The following ENOX2 variants were observed in gnomAD, a reference collection of about 807,000 sequenced individuals.
ENOX2 encodes APK1 antigen.
Under a neutral mutation model 45.0 loss-of-function variants are expected in ENOX2, and 36 were observed. The ratio of observed to expected loss-of-function variants is 0.80; its 90% confidence interval spans 0.61 to 1.06. ENOX2 has a LOEUF of 1.06. Among genes scored for constraint, ENOX2 ranks in the 50% least tolerant of loss-of-function variants. The pLI, the probability that ENOX2 is intolerant of heterozygous loss-of-function variation, is 0.00. For missense variants in ENOX2, 423 were observed against 462.5 expected, an observed-to-expected ratio of 0.91 and a Z score of 0.78; for synonymous variants, 174 against 152.3, an observed-to-expected ratio of 1.14 and a Z score of -1.05.
intron 3 of ENOX2, among the ~76,000 whole-genome samples, chrX:130,744,227 G>C (rs761345092): frequency 1.2e-4 from 14 of 112,179 alleles, no homozygotes; most frequent in Admixed American, 1.9e-4. Context: ...GGTGGTAGGA[G>C]AGTTGAATTA....
At chrX:130,887,373 T>C (rs768551541) in intron 2 of ENOX2, among the ~76,000 whole-genome samples, 2 of 86,937 alleles carry the variant, frequency 2.3e-5, no homozygotes. Context: ...ACCCACCCCA[T>C]TGAGGAAAAA....
chrX:130,665,697 G>A lies in ENOX2; in HGVS notation c.960C>T (p.Asp320=), dbSNP rs754590913. The A allele has an allele frequency of 3.6e-5, 43 of 1,203,861 alleles. No individual in the cohort carries two copies. Among genetic ancestry groups the A allele is most frequent in the Non-Finnish European group, 4.6e-5 (41 of 892,121 alleles). Residue 320 remains aspartate (D), a synonymous_variant, in exon 9 of 15, where the codon GAC becomes GAT. Transcript: ENST00000394363. ...YHSASKQKAW[D]HFTKAQRKNI... ...TCTTCCGCTGGGCTTTTGTGAAGTG[G>A]TCCCATGCCTTCTGCTTGGAGGCGG...
chrX:130,755,599 T>C (rs751037108), intron 3 of ENOX2, among the ~76,000 whole-genome samples: 47 of 110,646 alleles, frequency 4.2e-4, no homozygotes, highest in Non-Finnish European at 7.6e-4. Context: ...TTTTTAATTT[T>C]CATGGGTACA....
chrX:130,770,261 G>A (rs1569499460), intron 3 of ENOX2, among the ~76,000 whole-genome samples: 5 of 111,906 alleles, frequency 4.5e-5, no homozygotes, highest in African/African-American at 6.5e-5. Context: ...CACTGTAGGT[G>A]GGATGACTAG....
At chrX:130,658,055 C>A (rs1250946308) in intron 9 of ENOX2, among the ~76,000 whole-genome samples, 1 of 111,691 alleles carries the variant, frequency 9.0e-6, no homozygotes, top group African/African-American at 3.2e-5. Flanking sequence ...ACCAAGGATT[C>A]TTTTGCCTGG....
chrX:130,708,631 CCTT>C (rs1286742511), intron 3 of ENOX2, among the ~76,000 whole-genome samples: 118 of 112,205 alleles, frequency 1.1e-3, no homozygotes, highest in African/African-American at 3.6e-3. Flanking sequence ...GCTTATTCCT[CCTT>C]GTTATTTCTA....
intron 4 of ENOX2, among the ~76,000 whole-genome samples, chrX:130,699,014 T>C (rs2037833406): frequency 8.9e-6 from 1 of 112,020 alleles, no homozygotes; most frequent in Non-Finnish European, 1.9e-5. Context: ...GGTCCATCCT[T>C]GGATTCATCT....
At chrX:130,649,652 G>A (rs767377178) in intron 10 of ENOX2, among the ~76,000 whole-genome samples, 1 of 111,773 alleles carries the variant, frequency 8.9e-6, no homozygotes, top group Non-Finnish European at 1.9e-5. Flanking sequence ...AAAGATCTTT[G>A]GCATGACATA....
In ENOX2 at chrX:130,884,764, GAGAC is replaced by G. The variant is rs1003255127; in HGVS notation, c.-183+16916_-183+16919del. On this transcript the variant is annotated intron_variant, in intron 2 of 14. Coordinates refer to ENST00000394363, the MANE Select transcript of ENOX2 (RefSeq NM_006375.4). ...AGAGAGAAAGAGAGACACAGAGACAGAGACAGACAGAAAGAAAGAAAAGTGTGAA... is the reference window on the plus strand; with the variant it reads ...AGAGAGAAAGAGAGACACAGAGACAGAGACAGAAAGAAAGAAAAGTGTGAA... Among the ~76,000 whole-genome samples, 10 of 111,647 alleles carry G rather than the reference GAGAC, an allele frequency of 9.0e-5. No individual in the cohort carries two copies. The East Asian group carries it at 1.4e-3, about 16-fold the overall frequency.
At chrX:130,718,763 A>G (rs985497481) in intron 3 of ENOX2, among the ~76,000 whole-genome samples, 3 of 111,563 alleles carry the variant, frequency 2.7e-5, no homozygotes, top group African/African-American at 9.8e-5. Context: ...TTACTGGTCC[A>G]TGTGGAAGCT....
At position 130,812,404 on chromosome X, in the gene ENOX2, A is replaced by G. The variant is rs770444364; in HGVS notation, c.-182-28714T>C. ...ACGTTACAGGCCAGGAGAGAGCAGCATAATATATTTAAAGAGTTAAAGAAA... is the reference window on the plus strand; with the variant it reads ...ACGTTACAGGCCAGGAGAGAGCAGCGTAATATATTTAAAGAGTTAAAGAAA... On this transcript the variant is annotated intron_variant, in intron 2 of 14. Transcript: ENST00000394363. 2.7e-5 allele frequency among the ~76,000 whole-genome samples: 3 copies of G among 112,146 alleles called. No homozygotes were observed. In the Admixed American group the frequency reaches 2.8e-4, roughly 11 times the overall value.
chrX:130,879,624 T>C (rs951664117), intron 2 of ENOX2, among the ~76,000 whole-genome samples: 2 of 111,999 alleles, frequency 1.8e-5, no homozygotes, highest in Non-Finnish European at 3.8e-5. Flanking sequence ...GTGGTATATA[T>C]AGTCTCGGCT....
At chrX:130,691,869 GACAA>G (rs2037607165) in intron 4 of ENOX2, among the ~76,000 whole-genome samples, 1 of 112,823 alleles carries the variant, frequency 8.9e-6, no homozygotes, top group Non-Finnish European at 1.9e-5. Context: ...AATAAATGGA[GACAA>G]ACAAAAAACA....
chrX:130,777,515 G>A (rs2039884493), intron 3 of ENOX2, among the ~76,000 whole-genome samples: 1 of 108,609 alleles, frequency 9.2e-6, no homozygotes, highest in Admixed American at 9.9e-5. Context: ...AAAAATGCTG[G>A]AGTTAGTTGA....
At chrX:130,799,461 TACTCCTTAATAAACTC>T (rs1429260895) in intron 2 of ENOX2, among the ~76,000 whole-genome samples, 1 of 111,445 alleles carries the variant, frequency 9.0e-6, no homozygotes, top group Non-Finnish European at 1.9e-5. Flanking sequence ...TGTGAGTCCA[TACTCCTTAATAAACTC>T]CCCTTTATAT....
intron 3 of ENOX2, among the ~76,000 whole-genome samples, chrX:130,727,939 A>G (rs2038644405): frequency 9.0e-6 from 1 of 111,670 alleles, no homozygotes; most frequent in Non-Finnish European, 1.9e-5. Context: ...TCAATCTAAT[A>G]CCTCTTAGCT....
At chrX:130,788,522 A>G (rs1409529549) in intron 2 of ENOX2, among the ~76,000 whole-genome samples, 1 of 110,895 alleles carries the variant, frequency 9.0e-6, no homozygotes, top group South Asian at 3.8e-4. Context: ...ACTACCACCT[A>G]CTCTATTTTG....
At chrX:130,795,025 TGCGTC>T (rs2077099055) in intron 2 of ENOX2, among the ~76,000 whole-genome samples, 1 of 112,288 alleles carries the variant, frequency 8.9e-6, no homozygotes, top group Non-Finnish European at 1.9e-5. Context: ...TTTGCTATAC[TGCGTC>T]ACTAATGTTC....
At chrX:130,745,552 G>A (rs1199368543) in intron 3 of ENOX2, among the ~76,000 whole-genome samples, 1 of 111,915 alleles carries the variant, frequency 8.9e-6, no homozygotes, top group South Asian at 3.8e-4. Context: ...AAGAGCTATT[G>A]GAGAATAAAA....
Sources: allele counts gnomAD v4.1 joint callset (sites outside exome capture counted in the v4.1 genomes callset), GRCh38; gene constraint gnomAD v4.1.1; transcripts MANE v1.5; gene names NCBI Gene and HGNC (gene_info 2026-07-23, HGNC 2026-07-21).